The following EIF2AK2 variants were observed in gnomAD, a reference collection of about 807,000 sequenced individuals.
The protein encoded by EIF2AK2 is eukaryotic translation initiation factor 2 alpha kinase 2.
A neutral mutation model predicts 70.5 loss-of-function variants in EIF2AK2; 40 were observed. The observed-to-expected ratio is 0.57, with a 90% CI of 0.44 to 0.74. The LOEUF is 0.74. Ranked by LOEUF, EIF2AK2 falls within the 30% of genes least tolerant of loss-of-function variation. The probability of loss-of-function intolerance (pLI) is 0.00; values close to 1 mark genes in which losing one functional copy is unlikely to be tolerated. For synonymous variants in EIF2AK2, 198 were observed against 220.9 expected, an observed-to-expected ratio of 0.90 and a Z score of 0.92; for missense variants, 555 against 644.3, an observed-to-expected ratio of 0.86 and a Z score of 1.50.
At chr2:37,121,846 A>G (rs1674566169) in intron 12 of EIF2AK2, among the ~76,000 whole-genome samples, 2 of 152,088 alleles carry the variant, frequency 1.3e-5, no homozygotes, top group African/African-American at 2.4e-5. Flanking sequence ...GGAGAAAATG[A>G]ATGAATGGGA....
chr2:37,118,344 G>T (rs547044297), intron 13 of EIF2AK2, among the ~76,000 whole-genome samples: 45 of 152,090 alleles, frequency 3.0e-4, no homozygotes, highest in Admixed American at 2.5e-3. Flanking sequence ...AATTTAAGAA[G>T]AATAATAAAG....
intron 1 of EIF2AK2, among the ~76,000 whole-genome samples, chr2:37,155,138 C>G (rs1675879845): frequency 6.6e-6 from 1 of 152,052 alleles, no homozygotes; most frequent in Non-Finnish European, 1.5e-5. Context: ...CTCTCCTGAA[C>G]TCCCAACTGC....
chr2:37,116,875 G>C (rs1230609978), intron 13 of EIF2AK2, among the ~76,000 whole-genome samples: 1 of 152,130 alleles, frequency 6.6e-6, no homozygotes, highest in African/African-American at 2.4e-5. Context: ...GCTGGATGAG[G>C]CTATCTAGTG....
rs574683337 is a variant in EIF2AK2, at chr2:37,129,368, A to T, written c.786-2957T>A. Among the ~76,000 whole-genome samples the T allele has an allele frequency of 2.5e-4, 38 of 152,244 alleles. No individual in the cohort carries two copies. In the South Asian group the frequency reaches 7.7e-3, roughly 31 times the overall value. ...TCCCACCAAACCATGCCCAACTTGC[A>T]GTCTTTGGGGACACTGGACGATGGA... On this transcript the variant is annotated intron_variant, in intron 10 of 16. Coordinates refer to ENST00000233057, the MANE Select transcript of EIF2AK2 (RefSeq NM_001135651.3).
chr2:37,124,247 C>T (rs1459014038), intron 11 of EIF2AK2, among the ~76,000 whole-genome samples: 2 of 151,890 alleles, frequency 1.3e-5, no homozygotes, highest in Non-Finnish European at 2.9e-5. Context: ...GGATTACAGG[C>T]CTGAGCCACT....
chr2:37,139,652 T>C lies in EIF2AK2; in HGVS notation c.495A>G (p.Ile165Met). The change falls in exon 6 of 17, where the codon ATA becomes ATG. Residue 165 changes from isoleucine to methionine, a missense_variant. Physicochemically the swap from Ile to Met is conservative, Grantham distance 10 (BLOSUM62 1). Around this residue, in one of 3 missense-constraint regions of EIF2AK2, gnomAD observed 208 missense variants for 191.8 expected, o/e 1.08. Transcript: ENST00000233057. ...QLAAKLAYLQILSEETSVKSD... is the reference protein window; with the variant it reads ...QLAAKLAYLQMLSEETSVKSD... ...GTACCACTGAGGTTTCTTCTGATAA[T>C]ATCTGAAGATATGCAAGTTTAGCGG... 7 of 1,614,042 alleles carry C rather than the reference T, an allele frequency of 4.3e-6. No individual in the cohort carries two copies. The highest frequency in any genetic ancestry group is 5.9e-6 in the Non-Finnish European group (7 of 1,180,010).
chr2:37,109,117 G>A (rs747619879), intron 15 of EIF2AK2, 77 bp downstream of exon 15: 2 of 1,320,132 alleles, frequency 1.5e-6, no homozygotes, highest in Non-Finnish European at 2.2e-6. Context: ...GTGAGGGCAA[G>A]AACTGTCTGC....
intron 1 of EIF2AK2, among the ~76,000 whole-genome samples, chr2:37,155,124 G>A (rs1349711659): frequency 2.6e-5 from 4 of 151,928 alleles, no homozygotes; most frequent in Admixed American, 2.6e-4. Flanking sequence ...TTCCACCATG[G>A]ACTCTCTCCT....
At chr2:37,150,506 A>G (rs1675704979) in intron 1 of EIF2AK2, among the ~76,000 whole-genome samples, 1 of 152,196 alleles carries the variant, frequency 6.6e-6, no homozygotes, top group African/African-American at 2.4e-5. Context: ...GTCATGGAAC[A>G]ATCATCATTT....
chr2:37,101,938 A>T lies in EIF2AK2; in HGVS notation c.*5335T>A, dbSNP rs572155907. On this transcript the variant is annotated 3_prime_UTR_variant, in exon 17 of 17. Coordinates refer to ENST00000233057, the MANE Select transcript of EIF2AK2 (RefSeq NM_001135651.3). The stretch of plus-strand genomic sequence containing the variant: ...AAGTACTTACAAGTGCAATGATGTA[A>T]CACCTGAGATTTACTTTAAAATATT... 6.6e-6 allele frequency: 1 copy of T among 152,316 alleles called. No homozygotes were observed. Among genetic ancestry groups the T allele is most frequent in the South Asian group, 2.1e-4 (1 of 4,834 alleles). The allele number at this position is 152,316 out of a possible 1,614,324, so 9.4% of individuals were successfully genotyped here.
Position 37,099,848 on chromosome 2 carries a change from C to G in EIF2AK2, c.*7425G>C, listed in dbSNP as rs1047616615. Reference sequence around the variant, plus strand: ...AATAAAAAGGAATGAGATGCTGATTCATGCCACAGCTGGGATGCACCTTGA... The same window carrying G: ...AATAAAAAGGAATGAGATGCTGATTGATGCCACAGCTGGGATGCACCTTGA... On this transcript the variant is annotated 3_prime_UTR_variant, in exon 17 of 17. Transcript: ENST00000233057. The G allele has an allele frequency of 6.6e-6, 1 of 152,184 alleles. No homozygotes were observed. The highest frequency in any genetic ancestry group is 2.4e-5 in the African/African-American group (1 of 41,440). The allele number at this position is 152,184 out of a possible 1,614,324, so 9.4% of individuals were successfully genotyped here. A position where few individuals can be genotyped will look rare whatever the true frequency, so the allele number is the denominator to read the frequency against.
chr2:37,138,365 T>G lies in EIF2AK2; in HGVS notation c.594-2A>C. ...CCTTCAGATGATGATTCAGAAGCGC[T>G]AGAAGAAAAGGGTGTAACTATTAGT... On this transcript the variant is annotated splice_acceptor_variant, in intron 7 of 16. Coordinates refer to ENST00000233057, the MANE Select transcript of EIF2AK2 (RefSeq NM_001135651.3). LOFTEE classifies it high-confidence loss of function. 1 of 1,612,908 alleles carries G rather than the reference T, an allele frequency of 6.2e-7. No homozygotes were observed. Among genetic ancestry groups the G allele is most frequent in the Non-Finnish European group, 8.5e-7 (1 of 1,179,378 alleles).
intron 13 of EIF2AK2, among the ~76,000 whole-genome samples, chr2:37,116,434 T>C (rs4648222): frequency 0.011 from 1,615 of 152,260 alleles, 11 homozygotes; most frequent in African/African-American, 0.017. Context: ...ATGAGAAAAT[T>C]AATATTTTGC....
rs138197290 is a variant in EIF2AK2, at chr2:37,121,521, T to C, written c.1067+985A>G. 1.7e-4 allele frequency among the ~76,000 whole-genome samples: 25 copies of C among 150,750 alleles called. No individual in the cohort carries two copies. In the East Asian group the frequency reaches 4.5e-3, roughly 27 times the overall value. ...TGCCGTCACGGGGATAATAGTCTAA[T>C]AGGAGAGAGTAAAGGGAAAGCAAAC... On this transcript the variant is annotated intron_variant, in intron 12 of 16. Coordinates refer to ENST00000233057, the MANE Select transcript of EIF2AK2 (RefSeq NM_001135651.3).
At position 37,113,490 on chromosome 2, in the gene EIF2AK2, C is replaced by T. The variant is rs1674227881; in HGVS notation, c.1377+1241G>A. ...TCCAGCCTTGGTGACAAGAGCAAAA[C>T]TCCATCTCAAAAAAAAAAAAAAAAA... On this transcript the variant is annotated intron_variant, in intron 14 of 16. Transcript: ENST00000233057. Among the ~76,000 whole-genome samples, 6 of 116,850 alleles carry T rather than the reference C, an allele frequency of 5.1e-5. No homozygotes were observed. In the Admixed American group the frequency reaches 5.6e-4, roughly 11 times the overall value. 76.7% of individuals were successfully genotyped at this position (116,850 alleles called of 152,430 possible).
In EIF2AK2 at chr2:37,100,409, T is replaced by C. The variant is rs371539935; in HGVS notation, c.*6864A>G. ...CAAGTTTGTGGTAATTTGTTAGTTA[T>C]AGCAGCCATAAGAAATTAATACAGG... On this transcript the variant is annotated 3_prime_UTR_variant, in exon 17 of 17. Coordinates refer to ENST00000233057, the MANE Select transcript of EIF2AK2 (RefSeq NM_001135651.3). 23 of 152,344 alleles carry C rather than the reference T, an allele frequency of 1.5e-4. No individual in the cohort carries two copies. The highest frequency in any genetic ancestry group is 5.3e-4 in the African/African-American group (22 of 41,582). The allele number at this position is 152,344 out of a possible 1,614,324, so 9.4% of individuals were successfully genotyped here. A position where few individuals can be genotyped will look rare whatever the true frequency, so the allele number is the denominator to read the frequency against.
chr2:37,155,512 G>T (rs1675890845), intron 1 of EIF2AK2, among the ~76,000 whole-genome samples: 3 of 152,216 alleles, frequency 2.0e-5, no homozygotes, highest in Admixed American at 6.5e-5. Flanking sequence ...CTTCTTTGAT[G>T]CTGGAGGGTC....
chr2:37,127,719 C>G (rs546301661), intron 10 of EIF2AK2, among the ~76,000 whole-genome samples: 2 of 150,332 alleles, frequency 1.3e-5, no homozygotes, highest in South Asian at 4.3e-4. Flanking sequence ...TTTCACAGCT[C>G]TGACCATAGT....
chr2:37,133,408 C>T (rs889248986), intron 10 of EIF2AK2, among the ~76,000 whole-genome samples: 12 of 152,148 alleles, frequency 7.9e-5, no homozygotes, highest in Non-Finnish European at 1.3e-4. Flanking sequence ...TGACAAAATA[C>T]AACTCCTTTA....
Sources: gnomAD v4.1 joint callset for allele counts (sites outside exome capture counted in the v4.1 genomes callset) on GRCh38, gnomAD v4.1.1 for gene constraint, gnomAD v4.1.1 regional missense constraint, MANE v1.5 for transcripts, NCBI Gene and HGNC (gene_info 2026-07-23, HGNC 2026-07-21) for gene names.